PHF14: variants seen among roughly 807,000 people sequenced by gnomAD.
PHF14 encodes PHD finger protein 14.
Under a neutral mutation model 117.9 loss-of-function variants are expected in PHF14, and 55 were observed. That is an observed-to-expected ratio of 0.47 (90% confidence interval 0.38 to 0.58). The LOEUF (loss-of-function observed/expected upper bound fraction) is 0.58, where lower values mean the gene tolerates loss of function less well. Ranked by LOEUF, PHF14 falls within the 20% of genes least tolerant of loss-of-function variation. The pLI is 0.00. For synonymous variants in PHF14, 409 were observed against 368.6 expected (o/e 1.11, Z -1.26); for missense variants, 978 against 1,122.2 (o/e 0.87, Z 1.84).
At chr7:11,026,932 G>A (rs961380538) in intron 6 of PHF14, among the ~76,000 whole-genome samples, 2 of 151,998 alleles carry the variant, frequency 1.3e-5, no homozygotes, top group African/African-American at 2.4e-5. Flanking sequence ...AATCATGACT[G>A]GGACAGCCTT....
chr7:11,026,397 C>T (rs538956119), intron 6 of PHF14, among the ~76,000 whole-genome samples: 22 of 152,250 alleles, frequency 1.4e-4, no homozygotes, highest in African/African-American at 4.1e-4. Context: ...AAAAAATTCT[C>T]GTGATTTGTT....
chr7:11,038,933 C>T, intron 11 of PHF14, 78 bp downstream of exon 11: 1 of 599,440 alleles, frequency 1.7e-6, no homozygotes, highest in Non-Finnish European at 2.9e-6. Flanking sequence ...TTTGATACAA[C>T]TGTCATTTGA....
chr7:11,021,457 T>C (rs1443768709), intron 5 of PHF14, among the ~76,000 whole-genome samples: 1 of 152,160 alleles, frequency 6.6e-6, no homozygotes, highest in Non-Finnish European at 1.5e-5. Flanking sequence ...AGGACTCAAG[T>C]TGGTATCCTC....
At chr7:11,095,728 A>T (rs936496206) in intron 16 of PHF14, among the ~76,000 whole-genome samples, 2 of 152,186 alleles carry the variant, frequency 1.3e-5, no homozygotes, top group East Asian at 3.8e-4. Flanking sequence ...TGTGTTTCAA[A>T]TGAGAAGCTC....
intron 16 of PHF14, chr7:11,109,839 G>C (rs987415720): frequency 6.6e-6 from 1 of 151,822 alleles, no homozygotes; most frequent in African/African-American, 2.4e-5. Flanking sequence ...ATCTATTCCT[G>C]TAGCTAGAAC....
At chr7:11,039,774 G>A (rs1338472588) in intron 11 of PHF14, among the ~76,000 whole-genome samples, 1 of 152,172 alleles carries the variant, frequency 6.6e-6, no homozygotes, top group African/African-American at 2.4e-5. Flanking sequence ...TGTGTGGCTT[G>A]TATCCTAAAG....
intron 16 of PHF14, among the ~76,000 whole-genome samples, chr7:11,076,584 T>TC (rs1383469593): frequency 8.7e-5 from 13 of 149,876 alleles, no homozygotes; most frequent in South Asian, 8.4e-4. Flanking sequence ...TTTTTTTTTT[T>TC]TGAGGCAGAG....
At chr7:11,027,973 C>T (rs1783982370) in intron 6 of PHF14, among the ~76,000 whole-genome samples, 1 of 152,060 alleles carries the variant, frequency 6.6e-6, no homozygotes. Context: ...TATAGTATCT[C>T]TTCTTCATAG....
At chr7:11,108,622 A>G (rs955635353) in intron 16 of PHF14, 12 of 151,788 alleles carry the variant, frequency 7.9e-5, no homozygotes, top group African/African-American at 2.9e-4. Context: ...AATGGCATGT[A>G]TTTGTTATCT....
intron 16 of PHF14, among the ~76,000 whole-genome samples, chr7:11,095,781 A>G (rs1285678554): frequency 6.6e-6 from 1 of 152,220 alleles, no homozygotes; most frequent in Non-Finnish European, 1.5e-5. Flanking sequence ...TGATGTAAGT[A>G]TCAAGCATCA....
intron 3 of PHF14, 95 bp from the exon 4 acceptor site, chr7:10,990,606 CAT>C: frequency 3.0e-6 from 2 of 670,626 alleles, no homozygotes; most frequent in South Asian, 4.6e-5. Context: ...TTTGGAAATG[CAT>C]ATAATAATGT....
At chr7:11,110,652 G>A in intron 16 of PHF14, 1 of 314,760 alleles carries the variant, frequency 3.2e-6, no homozygotes, top group African/African-American at 2.8e-5. Flanking sequence ...AAACCAAACG[G>A]TCTGAAGAAA....
At chr7:11,040,560 T>C (rs1784469367) in intron 11 of PHF14, 112 bp from the exon 12 acceptor site, 1 of 433,318 alleles carries the variant, frequency 2.3e-6, no homozygotes, top group Admixed American at 4.4e-5. Flanking sequence ...ATAAAGCAGA[T>C]TTCCCCCTAA....
intron 14 of PHF14, among the ~76,000 whole-genome samples, chr7:11,052,945 G>GT (rs1466024291): frequency 1.3e-5 from 2 of 152,076 alleles, no homozygotes; most frequent in African/African-American, 4.8e-5. Flanking sequence ...AGTTTGGTGT[G>GT]TATGTTTTCT....
intron 4 of PHF14, among the ~76,000 whole-genome samples, chr7:10,996,758 G>T (rs1330625333): frequency 2.6e-5 from 4 of 152,186 alleles, no homozygotes; most frequent in African/African-American, 9.7e-5. Context: ...GGGGTACATA[G>T]TGTTGATATG....
At chr7:11,106,720 C>T in intron 16 of PHF14, 2 of 983,934 alleles carry the variant, frequency 2.0e-6, no homozygotes, top group Non-Finnish European at 2.4e-6. Context: ...TAAGTAATGA[C>T]AGTATTCAAG....
At chr7:11,136,650 C>A (rs893158331) in intron 17 of PHF14, among the ~76,000 whole-genome samples, 1 of 152,174 alleles carries the variant, frequency 6.6e-6, no homozygotes, top group African/African-American at 2.4e-5. Context: ...ATTTGTAATT[C>A]TTAATCATGT....
At chr7:11,158,514 A>G (rs942431493) in intron 17 of PHF14, among the ~76,000 whole-genome samples, 5 of 152,136 alleles carry the variant, frequency 3.3e-5, no homozygotes, top group African/African-American at 9.7e-5. Flanking sequence ...TTTCTCCACT[A>G]TGAAGCTACT....
chr7:11,027,203 T>G (rs1783949057), intron 6 of PHF14, among the ~76,000 whole-genome samples: 1 of 152,206 alleles, frequency 6.6e-6, no homozygotes, highest in Non-Finnish European at 1.5e-5. Flanking sequence ...GTGGACATCC[T>G]TTAAATAATT....
Sources: gnomAD v4.1 joint callset for allele counts (sites outside exome capture counted in the v4.1 genomes callset) on GRCh38, gnomAD v4.1.1 for gene constraint, MANE v1.5 for transcripts, NCBI Gene and HGNC (gene_info 2026-07-23, HGNC 2026-07-21) for gene names.